KIAA0825: variants seen among roughly 807,000 people sequenced by gnomAD.
KIAA0825 encodes uncharacterized protein KIAA0825.
A neutral mutation model predicts 147.6 loss-of-function variants in KIAA0825; 119 were observed. That is an observed-to-expected ratio of 0.81 (90% CI 0.69 to 0.94). KIAA0825 has a LOEUF of 0.94. KIAA0825 is among the 40% of genes least tolerant of loss of function. The pLI is 0.00. For missense variants in KIAA0825, 1,381 were observed against 1,472.7 expected (o/e 0.94, Z 1.02); for synonymous variants, 470 against 518.1 (o/e 0.91, Z 1.26).
chr5:94,471,483 C>T lies in KIAA0825; in HGVS notation c.1704G>A (p.Met568Ile), dbSNP rs1468260080. The T allele has an allele frequency of 3.9e-6, 6 of 1,551,794 alleles. No homozygotes were observed. The highest frequency in any genetic ancestry group is 5.2e-6 in the Non-Finnish European group (6 of 1,146,994). Residue 568 changes from methionine to isoleucine, a missense_variant, in exon 9 of 21, where the codon ATG (methionine) becomes ATA (isoleucine). Met to Ile is a conservative substitution (Grantham distance 10). Transcript: ENST00000682413. ...FQHFKRYDNL[M>I]KEMTKKPIFL... is the part of the protein sequence containing the mutation. ...ACACTCACTTTTTAGTCATTTCCTT[C>T]ATCAAATTATCATATCGCTTGAAAT...
At chr5:94,359,632 T>C (rs1027503168) in intron 20 of KIAA0825, among the ~76,000 whole-genome samples, 2 of 152,168 alleles carry the variant, frequency 1.3e-5, no homozygotes, top group African/African-American at 4.8e-5. Flanking sequence ...AAAGAAAGTG[T>C]GCTGGACCAT....
chr5:94,252,474 G>T (rs781290635), intron 20 of KIAA0825, among the ~76,000 whole-genome samples: 1 of 151,928 alleles, frequency 6.6e-6, no homozygotes, highest in African/African-American at 2.4e-5. Flanking sequence ...TATAGAGAGA[G>T]AGAGAGTGAG....
rs769580583 is a variant in KIAA0825 at position 94,520,556 on chromosome 5, G to A, written c.662C>T (p.Ala221Val). The A allele has an allele frequency of 1.9e-6, 3 of 1,613,142 alleles. No individual in the cohort carries two copies. The highest frequency in any genetic ancestry group is 3.3e-5 in the Admixed American group (2 of 59,934). ...AGGAAAGCAGTTCCACAGAAGATTA[G>A]CCAACAGTTTATTCTGTATGTTTTG... The part of the protein sequence containing the change: ...KYQNIQNKLL[A>V]NLLWNCFPSY... The change falls in exon 5 of 21, where the codon GCT becomes GTT. Residue 221 changes from alanine (A) to valine (V), a missense_variant. By Grantham distance (64) the Ala-to-Val change is moderately conservative (BLOSUM62 0). Coordinates refer to ENST00000682413, the MANE Select transcript of KIAA0825 (RefSeq NM_001145678.3).
chr5:94,281,198 AACACACACACACACAC>A lies in KIAA0825; in HGVS notation c.3710+103154_3710+103169del, dbSNP rs34358354. 1.0e-3 allele frequency among the ~76,000 whole-genome samples: 150 copies of A among 145,122 alleles called. 1 individual carries two copies. Among genetic ancestry groups the A allele is most frequent in the African/African-American group, 3.2e-3 (126 of 39,042 alleles). On this transcript the variant is annotated intron_variant, in intron 20 of 20. Coordinates refer to ENST00000682413, the MANE Select transcript of KIAA0825 (RefSeq NM_001145678.3). Reference sequence around the variant, plus strand: ...ATATTAATTCAAACATAAGTGATTTAACACACACACACACACACACACACACACACACACACACACA... The same window carrying A: ...ATATTAATTCAAACATAAGTGATTTAACACACACACACACACACACACACA...
intron 1 of KIAA0825, among the ~76,000 whole-genome samples, chr5:94,615,044 C>CTTT (rs1790052938): frequency 2.7e-5 from 4 of 148,598 alleles, no homozygotes; most frequent in African/African-American, 7.5e-5. Flanking sequence ...GGTTCAGTGA[C>CTTT]TTATTAGTGT....
chr5:94,594,087 T>C (rs1041186723), intron 1 of KIAA0825: 3 of 542,504 alleles, frequency 5.5e-6, no homozygotes, highest in Non-Finnish European at 1.1e-5. Flanking sequence ...TGGATCCTCT[T>C]ATGTTAGTGT....
chr5:94,319,716 A>G (rs557362464), intron 20 of KIAA0825, among the ~76,000 whole-genome samples: 1 of 152,050 alleles, frequency 6.6e-6, no homozygotes, highest in East Asian at 1.9e-4. Context: ...ACTTTTTACT[A>G]TCCCCATCAA....
intron 10 of KIAA0825, among the ~76,000 whole-genome samples, chr5:94,466,096 T>C (rs7728878): frequency 0.48 from 73,302 of 151,824 alleles, 18,044 homozygotes; most frequent in South Asian, 0.58. Flanking sequence ...CTGCTTTGTC[T>C]ACTATCTGTA....
At chr5:94,515,266 T>C (rs1767042527) in intron 5 of KIAA0825, among the ~76,000 whole-genome samples, 1 of 152,204 alleles carries the variant, frequency 6.6e-6, no homozygotes, top group African/African-American at 2.4e-5. Flanking sequence ...CAAATATAAA[T>C]ATAGTAAAAT....
chr5:94,599,140 G>T (rs1463349442), intron 1 of KIAA0825, among the ~76,000 whole-genome samples: 9 of 151,828 alleles, frequency 5.9e-5, no homozygotes, highest in Admixed American at 5.9e-4. Context: ...ATAGCATTTG[G>T]TATTTTTTGT....
chr5:94,476,023 A>C (rs1449082292), intron 7 of KIAA0825, among the ~76,000 whole-genome samples: 1 of 152,244 alleles, frequency 6.6e-6, no homozygotes, highest in Admixed American at 6.5e-5. Context: ...TGCACGAAGT[A>C]GATAATCTGT....
At chr5:94,496,896 C>T (rs1229244957) in intron 5 of KIAA0825, among the ~76,000 whole-genome samples, 24 of 152,066 alleles carry the variant, frequency 1.6e-4, no homozygotes, top group Admixed American at 1.5e-3. Flanking sequence ...TTTTCCTGTC[C>T]AGCCCACTGT....
At chr5:94,382,531 G>A (rs573032698) in intron 20 of KIAA0825, among the ~76,000 whole-genome samples, 2 of 152,272 alleles carry the variant, frequency 1.3e-5, no homozygotes, top group East Asian at 1.9e-4. Context: ...ATCATAGCTC[G>A]TGTGCGGTAG....
chr5:94,162,631 C>T (rs1352673510), intron 20 of KIAA0825, among the ~76,000 whole-genome samples: 3 of 152,312 alleles, frequency 2.0e-5, no homozygotes, highest in African/African-American at 7.2e-5. Flanking sequence ...AATAACATTA[C>T]TTGGCTCTCC....
At chr5:94,528,108 A>G (rs17083791) in intron 3 of KIAA0825, among the ~76,000 whole-genome samples, 18,560 of 152,214 alleles carry the variant, frequency 0.12, 1,468 homozygotes, top group East Asian at 0.26. Context: ...TATTTCGGAG[A>G]CATTTAATCA....
chr5:94,300,265 A>G (rs563694626), intron 20 of KIAA0825, among the ~76,000 whole-genome samples: 1 of 152,218 alleles, frequency 6.6e-6, no homozygotes, highest in South Asian at 2.1e-4. Context: ...GGTTTAAATT[A>G]TGCTAGAATG....
intron 5 of KIAA0825, among the ~76,000 whole-genome samples, chr5:94,508,976 T>A (rs959040574): frequency 6.6e-6 from 1 of 152,222 alleles, no homozygotes. Context: ...AATTTTTTCC[T>A]GCACAAATTA....
At chr5:94,334,533 A>G (rs1781604074) in intron 20 of KIAA0825, among the ~76,000 whole-genome samples, 1 of 152,186 alleles carries the variant, frequency 6.6e-6, no homozygotes, top group South Asian at 2.1e-4. Context: ...CTCAGGCTGA[A>G]TTGCAGTGGT....
intron 20 of KIAA0825, among the ~76,000 whole-genome samples, chr5:94,347,178 C>T (rs905551869): frequency 6.6e-6 from 1 of 152,166 alleles, no homozygotes; most frequent in Non-Finnish European, 1.5e-5. Flanking sequence ...AGTCTCAGCT[C>T]AGACACACTT....
Sources: gnomAD v4.1 joint callset for allele counts (sites outside exome capture counted in the v4.1 genomes callset) on GRCh38, gnomAD v4.1.1 for gene constraint, MANE v1.5 for transcripts, NCBI Gene and HGNC (gene_info 2026-07-23, HGNC 2026-07-21) for gene names.